The following ATCAY variants were observed in gnomAD, a reference collection of about 807,000 sequenced individuals.
ATCAY encodes the protein caytaxin.
A neutral mutation model predicts 47.7 loss-of-function variants in ATCAY; 22 were observed. The ratio of observed to expected loss-of-function variants is 0.46; its 90% confidence interval spans 0.33 to 0.66. The LOEUF is 0.66. Among genes scored for constraint, ATCAY ranks in the 30% least tolerant of loss-of-function variants. The probability of loss-of-function intolerance (pLI) is 0.02; values close to 1 mark genes in which losing one functional copy is unlikely to be tolerated. For missense variants in ATCAY, 452 were observed against 515.0 expected, an observed-to-expected ratio of 0.88 and a Z score of 1.18; for synonymous variants, 216 against 207.6, an observed-to-expected ratio of 1.04 and a Z score of -0.35.
rs1158005359 is a variant in ATCAY, at chr19:3,924,269, ATGGG to A, written c.1107-310_1107-307del. 1.5e-4 allele frequency among the ~76,000 whole-genome samples: 22 copies of A among 146,024 alleles called. No homozygotes were observed. In the East Asian group the frequency reaches 1.8e-3, roughly 12 times the overall value. ...GATGGATGGATGGATGGATGGATGG[ATGGG>A]TGGATGGATAGATGTGTGGGTGGTT... On this transcript the variant is annotated intron_variant, in intron 12 of 12. Coordinates refer to ENST00000450849, the MANE Select transcript of ATCAY (RefSeq NM_033064.5).
At chr19:3,903,007 T>C (rs1366620449) in intron 3 of ATCAY, among the ~76,000 whole-genome samples, 2 of 152,148 alleles carry the variant, frequency 1.3e-5, no homozygotes, top group African/African-American at 4.8e-5. Context: ...CGGGTCACAC[T>C]CTGTCATCCA....
At chr19:3,891,096 G>C (rs983825193) in intron 2 of ATCAY, among the ~76,000 whole-genome samples, 5 of 150,210 alleles carry the variant, frequency 3.3e-5, no homozygotes, top group Non-Finnish European at 7.4e-5. Context: ...GTATCACCCA[G>C]GCTGGAGTGC....
intron 2 of ATCAY, among the ~76,000 whole-genome samples, chr19:3,897,288 AATCTATATCTAT>A (rs544266503): frequency 2.8e-5 from 4 of 143,548 alleles, no homozygotes; most frequent in East Asian, 4.2e-4. Context: ...TATATAGCAA[AATCTATATCTAT>A]ATCTATATCT....
chr19:3,898,991 C>A (rs971535584), intron 2 of ATCAY, among the ~76,000 whole-genome samples: 3 of 151,958 alleles, frequency 2.0e-5, no homozygotes, highest in Non-Finnish European at 2.9e-5. Flanking sequence ...TCAATGGACT[C>A]TTGAATTGTT....
intron 3 of ATCAY, among the ~76,000 whole-genome samples, chr19:3,904,068 G>T (rs892018009): frequency 6.6e-6 from 1 of 151,786 alleles, no homozygotes; most frequent in South Asian, 2.1e-4. Context: ...CATGAGGATC[G>T]CTTGAACCCA....
At chr19:3,897,075 A>G (rs1440775197) in intron 2 of ATCAY, among the ~76,000 whole-genome samples, 1 of 151,876 alleles carries the variant, frequency 6.6e-6, no homozygotes, top group Non-Finnish European at 1.5e-5. Flanking sequence ...CACCACGCCC[A>G]GCCAGAAATC....
At chr19:3,900,972 G>T (rs1373774366) in intron 2 of ATCAY, among the ~76,000 whole-genome samples, 2 of 145,758 alleles carry the variant, frequency 1.4e-5, no homozygotes, top group Admixed American at 1.4e-4. Context: ...CACGATCTCG[G>T]CTCACTGCAA....
At chr19:3,912,509 A>G (rs1270678314) in intron 8 of ATCAY, among the ~76,000 whole-genome samples, 3 of 152,068 alleles carry the variant, frequency 2.0e-5, no homozygotes. Flanking sequence ...ATGGGGTTTC[A>G]TCGTGTTAGC....
intron 8 of ATCAY, among the ~76,000 whole-genome samples, chr19:3,912,271 G>A (rs77024072): frequency 1.8e-3 from 270 of 151,712 alleles, no homozygotes; most frequent in African/African-American, 6.0e-3. Flanking sequence ...CCGGGAGTTC[G>A]AGACCAGCCT....
At chr19:3,908,495 G>C in intron 6 of ATCAY, 125 bp downstream of exon 6, 1 of 880,168 alleles carries the variant, frequency 1.1e-6, no homozygotes, top group Non-Finnish European at 1.8e-6. Flanking sequence ...GGAAGGGCGT[G>C]GTGGCCACAG....
At chr19:3,898,822 T>C (rs576054442) in intron 2 of ATCAY, among the ~76,000 whole-genome samples, 53 of 152,128 alleles carry the variant, frequency 3.5e-4, no homozygotes, top group African/African-American at 1.2e-3. Context: ...GCTAGGATTA[T>C]AGGCATGCGC....
intron 4 of ATCAY, among the ~76,000 whole-genome samples, chr19:3,906,170 C>CAAAA (rs71339081): frequency 2.7e-5 from 2 of 75,180 alleles, no homozygotes; most frequent in African/African-American, 8.2e-5. Context: ...GACTCCGTCT[C>CAAAA]AAAAAAAAAA....
chr19:3,901,581 TG>T (rs1300901417), intron 2 of ATCAY, among the ~76,000 whole-genome samples: 2 of 152,176 alleles, frequency 1.3e-5, no homozygotes, highest in Non-Finnish European at 2.9e-5. Context: ...CATGTGATGC[TG>T]GGGAAAAACC....
chr19:3,911,089 T>C (rs1599143040), intron 8 of ATCAY, among the ~76,000 whole-genome samples, 200 bp downstream of exon 8: 1 of 152,150 alleles, frequency 6.6e-6, no homozygotes, highest in African/African-American at 2.4e-5. Flanking sequence ...CAGTTTTAAA[T>C]TGCACACAGC....
rs192521833 is a variant in ATCAY, at chr19:3,890,654, C to G, written c.77+4810C>G. Among the ~76,000 whole-genome samples, 212 of 152,252 alleles carry G rather than the reference C, an allele frequency of 1.4e-3. 3 individuals carry two copies. Among genetic ancestry groups the G allele is most frequent in the East Asian group, 0.012 (60 of 5,184 alleles). Reference sequence around the variant, plus strand: ...GCACCTGCAAATGCAAGCTGGAGGCCCTTTCTGGAAGGCGCGAGGCCAGCG... The same window carrying G: ...GCACCTGCAAATGCAAGCTGGAGGCGCTTTCTGGAAGGCGCGAGGCCAGCG... On this transcript the variant is annotated intron_variant, in intron 2 of 12. Transcript: ENST00000450849.
chr19:3,921,029 A>T (rs1157899714), intron 12 of ATCAY, among the ~76,000 whole-genome samples: 1 of 152,082 alleles, frequency 6.6e-6, no homozygotes, highest in Non-Finnish European at 1.5e-5. Flanking sequence ...CCGTCCTTGC[A>T]CAACTCCAGG....
rs891166293 is a variant in ATCAY at position 3,901,455 on chromosome 19, T to C, written c.78-1032T>C. Among the ~76,000 whole-genome samples, 6 of 152,300 alleles carry C rather than the reference T, an allele frequency of 3.9e-5. No homozygotes were observed. In the East Asian group the frequency reaches 9.6e-4, roughly 24 times the overall value. ...TTTTTGTGGGGGTTTTATCTATTTA[T>C]TTATTTTTAATACTTTTTGCTGCAT... On this transcript the variant is annotated intron_variant, in intron 2 of 12. Transcript: ENST00000450849.
intron 11 of ATCAY, among the ~76,000 whole-genome samples, chr19:3,919,503 A>G (rs531169840): frequency 6.6e-6 from 1 of 152,114 alleles, no homozygotes; most frequent in African/African-American, 2.4e-5. Context: ...GAGGCAGGAG[A>G]ATCACTTGAA....
chr19:3,901,776 C>G (rs1255012630), intron 2 of ATCAY, among the ~76,000 whole-genome samples: 1 of 152,050 alleles, frequency 6.6e-6, no homozygotes, highest in Non-Finnish European at 1.5e-5. Context: ...GTGGGCAGAT[C>G]ACAAGGTCAG....
Sources: allele counts gnomAD v4.1 joint callset (sites outside exome capture counted in the v4.1 genomes callset), GRCh38; gene constraint gnomAD v4.1.1; transcripts MANE v1.5; gene names NCBI Gene and HGNC (gene_info 2026-07-23, HGNC 2026-07-21).